STX3: variants seen among roughly 807,000 people sequenced by gnomAD.
STX3 encodes the protein syntaxin 3, also known as syntaxin-3.
Under a neutral mutation model 40.2 loss-of-function variants are expected in STX3, and 19 were observed. The observed-to-expected ratio is 0.47, with a 90% CI of 0.33 to 0.69. The LOEUF (loss-of-function observed/expected upper bound fraction) is 0.69, where lower values mean the gene tolerates loss of function less well. Ranked by LOEUF, STX3 falls within the 30% of genes least tolerant of loss-of-function variation. The probability of loss-of-function intolerance (pLI) is 0.02; values close to 1 mark genes in which losing one functional copy is unlikely to be tolerated. For synonymous variants in STX3, 122 were observed against 132.2 expected, an observed-to-expected ratio of 0.92 and a Z score of 0.53; for missense variants, 364 against 366.7, an observed-to-expected ratio of 0.99 and a Z score of 0.06.
intron 1 of STX3, among the ~76,000 whole-genome samples, chr11:59,763,357 C>G (rs896702147): frequency 1.3e-5 from 2 of 152,104 alleles, no homozygotes; most frequent in African/African-American, 4.8e-5. Flanking sequence ...GGGCCTTTTC[C>G]CCCTCTTCTT....
At chr11:59,757,494 G>A (rs1283717006) in intron 1 of STX3, among the ~76,000 whole-genome samples, 1 of 152,148 alleles carries the variant, frequency 6.6e-6, no homozygotes, top group Non-Finnish European at 1.5e-5. Context: ...GCCTGGGGAC[G>A]CTGAGCAAGT....
At chr11:59,795,831 A>C in intron 9 of STX3, 1 of 833,338 alleles carries the variant, frequency 1.2e-6, no homozygotes, top group Non-Finnish European at 1.9e-6. Context: ...AGCCTCATCA[A>C]CCCCTCCCTC....
chr11:59,793,531 C>T lies in STX3; in HGVS notation c.675+17C>T. 6.2e-7 allele frequency: 1 copy of T among 1,607,356 alleles called. No individual in the cohort carries two copies. The highest frequency in any genetic ancestry group is 8.5e-7 in the Non-Finnish European group (1 of 1,175,190). On this transcript the variant is annotated intron_variant, in intron 8 of 10. Coordinates refer to ENST00000337979, the MANE Select transcript of STX3 (RefSeq NM_004177.5). Reference sequence around the variant, plus strand: ...GAGAATCAGGTAAGTGGCAGTGAGTCCCAGCGTGGGGAGGGAGGAGAGGAA... The same window carrying T: ...GAGAATCAGGTAAGTGGCAGTGAGTTCCAGCGTGGGGAGGGAGGAGAGGAA...
rs576776956 is a variant in STX3 at position 59,766,316 on chromosome 11, G to A, written c.31-6895G>A. On this transcript the variant is annotated intron_variant, in intron 1 of 10. Coordinates refer to ENST00000337979, the MANE Select transcript of STX3 (RefSeq NM_004177.5). The stretch of plus-strand genomic sequence containing the variant: ...AGATGTGTTTTAACTTGGAAAGGAG[G>A]GACAAACTCTTTTTAGAAAGCACTT... Among the ~76,000 whole-genome samples the A allele has an allele frequency of 2.1e-4, 31 of 149,634 alleles. 1 individual carries two copies. Among genetic ancestry groups the A allele is most frequent in the African/African-American group, 7.3e-4 (29 of 39,662 alleles).
rs1284924309 is a variant in STX3 at position 59,803,515 on chromosome 11, T to A, written c.*2691T>A. On this transcript the variant is annotated 3_prime_UTR_variant, in exon 11 of 11. Coordinates refer to ENST00000337979, the MANE Select transcript of STX3 (RefSeq NM_004177.5). ...GGAGGGGGGAGACAGAAGGTGGCAA[T>A]CTGTCCTATAACCTGGTGTGGCAGA... Among the ~76,000 whole-genome samples the A allele has an allele frequency of 2.0e-5, 3 of 152,152 alleles. No individual in the cohort carries two copies. The highest frequency in any genetic ancestry group is 1.3e-4 in the Admixed American group (2 of 15,266).
At chr11:59,756,364 G>C (rs1862717985) in intron 1 of STX3, among the ~76,000 whole-genome samples, 1 of 152,210 alleles carries the variant, frequency 6.6e-6, no homozygotes, top group Non-Finnish European at 1.5e-5. Flanking sequence ...AATGGAACTT[G>C]ATACAGAAAA....
Position 59,793,480 on chromosome 11 carries a change from T to C in STX3, c.641T>C (p.Met214Thr), listed in dbSNP as rs765547554. 1 of 1,614,080 alleles carries C rather than the reference T, an allele frequency of 6.2e-7. No homozygotes were observed. The highest frequency in any genetic ancestry group is 8.5e-7 in the Non-Finnish European group (1 of 1,179,986). Reference sequence around the variant, plus strand: ...AGCAGCATCAAGGAGCTTCACGACATGTTTATGGACATCGCCATGCTGGTG... The same window carrying C: ...AGCAGCATCAAGGAGCTTCACGACACGTTTATGGACATCGCCATGCTGGTG... The part of the protein sequence containing the change: ...LESSIKELHD[M>T]FMDIAMLVEN... Residue 214 changes from methionine (M) to threonine (T), a missense_variant, in exon 8 of 11, where the codon ATG (methionine) becomes ACG (threonine). Met to Thr is a moderately conservative substitution (Grantham distance 81). Transcript: ENST00000337979.
At chr11:59,799,002 G>A (rs559405252) in intron 10 of STX3, among the ~76,000 whole-genome samples, 39 of 152,266 alleles carry the variant, frequency 2.6e-4, no homozygotes, top group African/African-American at 7.2e-4. Context: ...TGATCCTTCC[G>A]CCTCAGCCTT....
chr11:59,785,770 G>C (rs1864722443), intron 2 of STX3, among the ~76,000 whole-genome samples: 1 of 152,210 alleles, frequency 6.6e-6, no homozygotes, highest in South Asian at 2.1e-4. Context: ...GGATCCTACT[G>C]TATGACATTT....
intron 4 of STX3, chr11:59,789,252 TC>T: frequency 1.2e-5 from 3 of 248,622 alleles, no homozygotes; most frequent in Non-Finnish European, 7.9e-6. Flanking sequence ...AACTTGTCTC[TC>T]TTTTTTTTTT....
At chr11:59,788,316 A>G (rs1864903776) in intron 3 of STX3, among the ~76,000 whole-genome samples, 1 of 152,162 alleles carries the variant, frequency 6.6e-6, no homozygotes, top group African/African-American at 2.4e-5. Flanking sequence ...TGCAGGAAAA[A>G]TCTAGATCTT....
chr11:59,777,106 G>A (rs527319878), intron 2 of STX3, among the ~76,000 whole-genome samples: 1 of 152,158 alleles, frequency 6.6e-6, no homozygotes, highest in Non-Finnish European at 1.5e-5. Flanking sequence ...ATCTGGTAAG[G>A]GTGATAGAAA....
chr11:59,805,367 A>G lies in STX3; in HGVS notation c.*4543A>G, dbSNP rs1332480040. ...ACTATACAACTGTGAGGAGCACACA[A>G]CTGCTAAGTTTGTACTTTTGAAAGT... is the stretch of plus-strand genomic sequence containing the variant. On this transcript the variant is annotated 3_prime_UTR_variant, in exon 11 of 11. Coordinates refer to ENST00000337979, the MANE Select transcript of STX3 (RefSeq NM_004177.5). 1 of 152,204 alleles carries G rather than the reference A, an allele frequency of 6.6e-6. No homozygotes were observed. The highest frequency in any genetic ancestry group is 6.5e-5 in the Admixed American group (1 of 15,282). 9.4% of individuals were successfully genotyped at this position (152,204 alleles called of 1,614,324 possible). A position where few individuals can be genotyped will look rare whatever the true frequency, so the allele number is the denominator to read the frequency against.
intron 2 of STX3, among the ~76,000 whole-genome samples, chr11:59,774,205 A>G (rs1029989533): frequency 2.6e-5 from 4 of 152,116 alleles, no homozygotes; most frequent in Non-Finnish European, 5.9e-5. Flanking sequence ...GGATGAAAAC[A>G]CTGGCTTTCG....
chr11:59,798,532 G>T (rs1343737712), intron 10 of STX3, among the ~76,000 whole-genome samples: 1 of 146,606 alleles, frequency 6.8e-6, no homozygotes, highest in Non-Finnish European at 1.5e-5. Context: ...TGTTGTTGTT[G>T]TTTTTTGTTT....
Position 59,793,086 on chromosome 11 carries a change from T to C in STX3, c.467-13T>C, listed in dbSNP as rs1865301366. ...GATCTTATATTTGACGCTCTACTTC[T>C]TTTGTTACAAAGCTGGCAAAAAGAC... On this transcript the variant is annotated splice_polypyrimidine_tract_variant and intron_variant, in intron 6 of 10. Coordinates refer to ENST00000337979, the MANE Select transcript of STX3 (RefSeq NM_004177.5). 6.2e-7 allele frequency: 1 copy of C among 1,612,980 alleles called. No individual in the cohort carries two copies. Among genetic ancestry groups the C allele is most frequent in the Non-Finnish European group, 8.5e-7 (1 of 1,179,796 alleles).
chr11:59,801,502 G>GAGGTT lies in STX3; in HGVS notation c.*679_*680insGGTTA. 1.0e-6 allele frequency: 1 copy of GAGGTT among 985,592 alleles called. No individual in the cohort carries two copies. Among genetic ancestry groups the GAGGTT allele is most frequent in the Non-Finnish European group, 1.2e-6 (1 of 830,058 alleles). The allele number at this position is 985,592 out of a possible 1,614,324, so 61.1% of individuals were successfully genotyped here. ...TCATATTTACTCAAGGAGGGACCAG[G>GAGGTT]ATGATACAGTCATCTGAGGTTATGC... is the stretch of plus-strand genomic sequence containing the variant. On this transcript the variant is annotated 3_prime_UTR_variant, in exon 11 of 11. Transcript: ENST00000337979.
At chr11:59,797,915 A>G (rs1382789257) in intron 10 of STX3, among the ~76,000 whole-genome samples, 1 of 152,256 alleles carries the variant, frequency 6.6e-6, no homozygotes, top group Non-Finnish European at 1.5e-5. Flanking sequence ...GTGTTGTACC[A>G]GACAATGTAC....
At chr11:59,776,163 G>T (rs1412667772) in intron 2 of STX3, among the ~76,000 whole-genome samples, 1 of 152,198 alleles carries the variant, frequency 6.6e-6, no homozygotes, top group Non-Finnish European at 1.5e-5. Context: ...GTGGGGAGAA[G>T]TAAGAGGGAG....
Sources: gnomAD v4.1 joint callset for allele counts (sites outside exome capture counted in the v4.1 genomes callset) on GRCh38, gnomAD v4.1.1 for gene constraint, MANE v1.5 for transcripts, NCBI Gene and HGNC (gene_info 2026-07-23, HGNC 2026-07-21) for gene names.